The following DGKB variants were observed in gnomAD, a reference collection of about 807,000 sequenced individuals.
DGKB encodes the protein 90 kDa diacylglycerol kinase.
A neutral mutation model predicts 114.3 loss-of-function variants in DGKB; 67 were observed. The ratio of observed to expected loss-of-function variants is 0.59; its 90% CI spans 0.48 to 0.72. The LOEUF (loss-of-function observed/expected upper bound fraction) is 0.72, where lower values mean the gene tolerates loss of function less well. Among genes scored for constraint, DGKB ranks in the 30% least tolerant of loss-of-function variants. DGKB has a pLI of 0.00. For synonymous variants in DGKB, 398 were observed against 323.1 expected, an observed-to-expected ratio of 1.23 and a Z score of -2.49; for missense variants, 907 against 975.2, an observed-to-expected ratio of 0.93 and a Z score of 0.93.
intron 17 of DGKB, among the ~76,000 whole-genome samples, chr7:14,585,938 G>C (rs767931643): frequency 1.3e-5 from 2 of 152,012 alleles, no homozygotes; most frequent in Non-Finnish European, 2.9e-5. Flanking sequence ...ACCCACCAGC[G>C]GTTCTCCTGT....
intron 21 of DGKB, among the ~76,000 whole-genome samples, chr7:14,369,061 T>A (rs928277227): frequency 3.9e-5 from 6 of 152,052 alleles, no homozygotes; most frequent in African/African-American, 1.2e-4. Flanking sequence ...CCTAATGCTA[T>A]CCCTCCCCTA....
intron 20 of DGKB, among the ~76,000 whole-genome samples, chr7:14,512,290 G>T (rs945063816): frequency 3.7e-4 from 56 of 152,158 alleles, no homozygotes; most frequent in African/African-American, 1.3e-3. Flanking sequence ...AGAAATCCAC[G>T]TTATTTTTAC....
In DGKB at chr7:14,303,503, GC is replaced by G. The variant is rs1653583912; in HGVS notation, c.2122+35011del. 4.6e-5 allele frequency among the ~76,000 whole-genome samples: 7 copies of G among 151,744 alleles called. No individual in the cohort carries two copies. In the South Asian group the frequency reaches 1.5e-3, roughly 32 times the overall value. The stretch of plus-strand genomic sequence containing the variant: ...TTCATTAAAATTAAATAACTTACCT[GC>G]CATATTTATTATCTGAATACTAATT... On this transcript the variant is annotated intron_variant, in intron 23 of 25. Coordinates refer to ENST00000402815, the MANE Select transcript of DGKB (RefSeq NM_001350709.2).
chr7:14,851,544 G>A (rs1040508822), intron 1 of DGKB, among the ~76,000 whole-genome samples: 4 of 152,004 alleles, frequency 2.6e-5, no homozygotes, highest in Admixed American at 6.5e-5. Context: ...ATGATGATAC[G>A]ATACCTTTCA....
chr7:14,715,312 G>T (rs527560196), intron 6 of DGKB, among the ~76,000 whole-genome samples: 33 of 152,294 alleles, frequency 2.2e-4, no homozygotes, highest in Admixed American at 5.9e-4. Flanking sequence ...TTGGAGTATT[G>T]TAACAGAAGT....
intron 21 of DGKB, among the ~76,000 whole-genome samples, chr7:14,370,294 C>T (rs1253187409): frequency 2.0e-5 from 3 of 151,776 alleles, no homozygotes; most frequent in Admixed American, 6.6e-5. Flanking sequence ...CTGTTGTGTT[C>T]CATTGGTCTA....
intron 5 of DGKB, among the ~76,000 whole-genome samples, chr7:14,719,653 A>T (rs747170015): frequency 1.8e-4 from 27 of 152,008 alleles, no homozygotes; most frequent in Non-Finnish European, 3.4e-4. Context: ...GATCTACCTG[A>T]CTGCGTATGT....
At chr7:14,676,258 T>C (rs117024451) in intron 12 of DGKB, among the ~76,000 whole-genome samples, 4,948 of 151,892 alleles carry the variant, frequency 0.033, 154 homozygotes, top group Middle Eastern at 0.085. Context: ...GGAAAATTCA[T>C]TGGGCTCTGC....
chr7:14,519,483 C>G (rs1789388930), intron 20 of DGKB, among the ~76,000 whole-genome samples: 1 of 152,044 alleles, frequency 6.6e-6, no homozygotes, highest in Non-Finnish European at 1.5e-5. Flanking sequence ...TTTGTCCATT[C>G]ACCAGTTTAT....
At chr7:14,617,619 T>A (rs1320226874) in intron 15 of DGKB, among the ~76,000 whole-genome samples, 1 of 151,652 alleles carries the variant, frequency 6.6e-6, no homozygotes, top group Admixed American at 6.6e-5. Context: ...CAATATCTTC[T>A]CATCACACTC....
chr7:14,503,281 A>G (rs989837317), intron 20 of DGKB, among the ~76,000 whole-genome samples: 2 of 151,434 alleles, frequency 1.3e-5, no homozygotes, highest in Admixed American at 1.3e-4. Context: ...TATTCTTAAA[A>G]CTCTTTTGAA....
At chr7:14,882,376 G>C (rs1379528862) in intron 1 of DGKB, among the ~76,000 whole-genome samples, 2 of 151,920 alleles carry the variant, frequency 1.3e-5, no homozygotes, top group African/African-American at 4.8e-5. Flanking sequence ...GGATGAGGTA[G>C]GATTATAGAT....
At chr7:14,458,415 C>T (rs967767592) in intron 21 of DGKB, among the ~76,000 whole-genome samples, 3 of 152,122 alleles carry the variant, frequency 2.0e-5, no homozygotes, top group Non-Finnish European at 4.4e-5. Context: ...GGCAAGATGG[C>T]TGAGTAGGAA....
intron 1 of DGKB, among the ~76,000 whole-genome samples, chr7:14,870,644 A>G (rs1247450135): frequency 6.6e-6 from 1 of 152,080 alleles, no homozygotes; most frequent in African/African-American, 2.4e-5. Flanking sequence ...AAAAATACAA[A>G]AACACCCGGG....
At chr7:14,651,278 C>T (rs1814428763) in intron 13 of DGKB, among the ~76,000 whole-genome samples, 1 of 152,090 alleles carries the variant, frequency 6.6e-6, no homozygotes, top group African/African-American at 2.4e-5. Context: ...AATCCAGCAG[C>T]ACATCAAAAA....
intron 20 of DGKB, among the ~76,000 whole-genome samples, chr7:14,554,083 A>G (rs1217991842): frequency 1.3e-5 from 2 of 151,944 alleles, no homozygotes; most frequent in Non-Finnish European, 2.9e-5. Context: ...TGTGTTAGCC[A>G]GGATGATCTC....
rs145753695 is a variant in DGKB at position 14,407,421 on chromosome 7, C to A, written c.1836-62030G>T. Among the ~76,000 whole-genome samples, 532 of 152,068 alleles carry A rather than the reference C, an allele frequency of 3.5e-3. 3 individuals are homozygous for A. Among genetic ancestry groups the A allele is most frequent in the African/African-American group, 0.012 (506 of 41,496 alleles). The stretch of plus-strand genomic sequence containing the variant: ...TGATCTAGGCTGGACCATGTTGCTC[C>A]ACGGTGTGAGACTGGAGAACTTTGC... On this transcript the variant is annotated intron_variant, in intron 21 of 25. Transcript: ENST00000402815.
At chr7:14,787,166 G>A (rs984982561) in intron 2 of DGKB, among the ~76,000 whole-genome samples, 2 of 152,126 alleles carry the variant, frequency 1.3e-5, no homozygotes, top group Admixed American at 6.5e-5. Flanking sequence ...CCAGATACGG[G>A]CCAAGAACTC....
chr7:14,909,349 G>A (rs893123085), intron 1 of DGKB, among the ~76,000 whole-genome samples: 25 of 152,098 alleles, frequency 1.6e-4, no homozygotes, highest in African/African-American at 5.1e-4. Flanking sequence ...GTTGTTTTGT[G>A]CAATGTTGCC....
Sources: gnomAD v4.1 joint callset for allele counts (sites outside exome capture counted in the v4.1 genomes callset) on GRCh38, gnomAD v4.1.1 for gene constraint, MANE v1.5 for transcripts, NCBI Gene and HGNC (gene_info 2026-07-23, HGNC 2026-07-21) for gene names.